Variants in NCKAP5 observed in about 807,000 individuals in gnomAD.
NCKAP5 encodes nck-associated protein 5.
Under a neutral mutation model 167.0 loss-of-function variants are expected in NCKAP5, and 92 were observed. That is an observed-to-expected ratio of 0.55 (90% confidence interval 0.47 to 0.66). The LOEUF (loss-of-function observed/expected upper bound fraction) is 0.66. NCKAP5 is among the 30% of genes least tolerant of loss of function. NCKAP5 has a pLI of 0.00. For synonymous variants in NCKAP5, 891 were observed against 877.4 expected (o/e 1.02, Z -0.27); for missense variants, 2,378 against 2,315.0 (o/e 1.03, Z -0.56).
intron 6 of NCKAP5, among the ~76,000 whole-genome samples, chr2:133,061,821 C>T (rs574083432): frequency 3.1e-4 from 46 of 146,292 alleles, no homozygotes; most frequent in Non-Finnish European, 6.1e-4. Flanking sequence ...GGCTATTGGG[C>T]CACTATGGCT....
intron 11 of NCKAP5, among the ~76,000 whole-genome samples, chr2:132,836,791 T>C (rs1221591938): frequency 6.6e-6 from 1 of 152,212 alleles, no homozygotes. Flanking sequence ...GCCTGGGCTA[T>C]TGCTCTTAAG....
intron 11 of NCKAP5, among the ~76,000 whole-genome samples, chr2:132,833,947 G>A (rs1475995591): frequency 6.6e-6 from 1 of 152,114 alleles, no homozygotes; most frequent in Non-Finnish European, 1.5e-5. Flanking sequence ...GATTAGGGTA[G>A]TATGGTTATT....
At chr2:133,589,551 T>C in the NCKAP5 span, among the ~76,000 whole-genome samples, 3 of 152,100 alleles carry the variant, frequency 2.0e-5, no homozygotes, top group Non-Finnish European at 4.4e-5. Context: ...CTGGGAGTTG[T>C]CAGCATATAA....
At chr2:133,150,141 G>T (rs1284878664) in intron 5 of NCKAP5, among the ~76,000 whole-genome samples, 1 of 152,150 alleles carries the variant, frequency 6.6e-6, no homozygotes, top group East Asian at 1.9e-4. Context: ...AGTCAACTGT[G>T]ATCCAAATAT....
intron 3 of NCKAP5, chr2:133,431,544 A>T (rs1469075843): frequency 2.0e-5 from 3 of 152,168 alleles, no homozygotes; most frequent in African/African-American, 7.2e-5. Flanking sequence ...GTTGTCGAAG[A>T]GGGCAGCTGG....
intron 8 of NCKAP5, among the ~76,000 whole-genome samples, chr2:132,915,145 G>C (rs13409893): frequency 0.028 from 4,262 of 152,118 alleles, 173 homozygotes; most frequent in African/African-American, 0.096. Context: ...CCTAAGACCG[G>C]ATGGACCATT....
At chr2:133,562,240 T>C (rs1688210418) in intron 1 of NCKAP5, among the ~76,000 whole-genome samples, 1 of 152,064 alleles carries the variant, frequency 6.6e-6, no homozygotes, top group Admixed American at 6.5e-5. Flanking sequence ...TATACACATA[T>C]AGAGAAACAC....
intron 3 of NCKAP5, among the ~76,000 whole-genome samples, chr2:133,503,267 CTG>C (rs750668405): frequency 6.6e-6 from 1 of 152,230 alleles, no homozygotes; most frequent in East Asian, 1.9e-4. Context: ...GGGGGTATAA[CTG>C]TGAACGAGTC....
At chr2:132,702,590 C>T (rs897768660) in intron 19 of NCKAP5, among the ~76,000 whole-genome samples, 17 of 152,270 alleles carry the variant, frequency 1.1e-4, no homozygotes, top group African/African-American at 4.1e-4. Flanking sequence ...GCCCCCAAGG[C>T]TCACACAATG....
intron 11 of NCKAP5, among the ~76,000 whole-genome samples, chr2:132,826,704 G>A (rs1036507040): frequency 6.6e-6 from 1 of 152,186 alleles, no homozygotes; most frequent in Non-Finnish European, 1.5e-5. Flanking sequence ...AGCAGAGGCA[G>A]TCACCATTTA....
intron 3 of NCKAP5, among the ~76,000 whole-genome samples, chr2:133,414,899 T>A (rs1182575678): frequency 6.6e-6 from 1 of 152,222 alleles, no homozygotes; most frequent in Non-Finnish European, 1.5e-5. Flanking sequence ...CATTTAAAAT[T>A]CAGGGGCAGA....
intron 3 of NCKAP5, among the ~76,000 whole-genome samples, chr2:133,499,779 C>G (rs1559530151): frequency 6.6e-6 from 1 of 152,130 alleles, no homozygotes; most frequent in Non-Finnish European, 1.5e-5. Flanking sequence ...AGACTAGTCT[C>G]GAACTCCTGA....
intron 6 of NCKAP5, among the ~76,000 whole-genome samples, chr2:132,999,139 G>T (rs1461688338): frequency 6.6e-6 from 1 of 152,030 alleles, no homozygotes; most frequent in African/African-American, 2.4e-5. Flanking sequence ...CAAACAGTAT[G>T]TCTCAGGTAA....
At chr2:133,606,907 T>C in the NCKAP5 span, among the ~76,000 whole-genome samples, 1 of 152,142 alleles carries the variant, frequency 6.6e-6, no homozygotes, top group Non-Finnish European at 1.5e-5. Flanking sequence ...GAGAACTAAA[T>C]AGAAGGAGCC....
chr2:132,680,462 T>C (rs1047527270), intron 19 of NCKAP5, among the ~76,000 whole-genome samples: 1 of 152,140 alleles, frequency 6.6e-6, no homozygotes, highest in Non-Finnish European at 1.5e-5. Flanking sequence ...GACCTCTCCT[T>C]GAACCCCTAA....
At chr2:133,041,153 T>C (rs988122615) in intron 6 of NCKAP5, among the ~76,000 whole-genome samples, 1 of 152,184 alleles carries the variant, frequency 6.6e-6, no homozygotes, top group Non-Finnish European at 1.5e-5. Flanking sequence ...TGACAGTGAA[T>C]TTTTGAACTG....
intron 3 of NCKAP5, among the ~76,000 whole-genome samples, chr2:133,340,829 A>G (rs1015760065): frequency 6.6e-6 from 1 of 152,202 alleles, no homozygotes; most frequent in African/African-American, 2.4e-5. Flanking sequence ...ACATTGTATC[A>G]CTGAAGCATT....
intron 8 of NCKAP5, among the ~76,000 whole-genome samples, chr2:132,896,999 A>G (rs1372704407): frequency 1.1e-4 from 16 of 152,226 alleles, no homozygotes; most frequent in Admixed American, 1.0e-3. Flanking sequence ...AGTCTTTTGC[A>G]GCCATAAAAT....
chr2:133,671,446 G>C, the NCKAP5 span, among the ~76,000 whole-genome samples: 1 of 152,166 alleles, frequency 6.6e-6, no homozygotes, highest in Admixed American at 6.5e-5. Context: ...CTCATAAATG[G>C]ATCAATTAAT....
Sources: gnomAD v4.1 joint callset for allele counts (sites outside exome capture counted in the v4.1 genomes callset) on GRCh38, gnomAD v4.1.1 for gene constraint, MANE v1.5 for transcripts, NCBI Gene and HGNC (gene_info 2026-07-23, HGNC 2026-07-21) for gene names.